The following LETM1 variants were observed in gnomAD, a reference collection of about 807,000 sequenced individuals.
LETM1 encodes the protein mitochondrial proton/calcium exchanger protein.
In LETM1, 50 loss-of-function variants were observed where a neutral mutation model predicts 74.5. That is an observed-to-expected ratio of 0.67 (90% CI 0.53 to 0.85). The LOEUF (loss-of-function observed/expected upper bound fraction) is 0.85. LETM1 is among the 40% of genes least tolerant of loss of function. LETM1 has a pLI of 0.00. For missense variants in LETM1, 824 were observed against 967.8 expected, an observed-to-expected ratio of 0.85 and a Z score of 1.97; for synonymous variants, 446 against 407.1, an observed-to-expected ratio of 1.10 and a Z score of -1.15.
intron 10 of LETM1, among the ~76,000 whole-genome samples, chr4:1,820,332 T>C (rs2108836980): frequency 6.6e-6 from 1 of 152,338 alleles, no homozygotes; most frequent in Non-Finnish European, 1.5e-5. Context: ...GTAGTTCATT[T>C]TGGGGGGTGC....
intron 6 of LETM1, among the ~76,000 whole-genome samples, chr4:1,830,873 T>C (rs1712246030): frequency 1.3e-5 from 2 of 152,172 alleles, no homozygotes; most frequent in South Asian, 4.1e-4. Context: ...TTCCAGTGTG[T>C]CGCAGCTGAC....
chr4:1,840,628 A>C (rs191505047), intron 3 of LETM1, among the ~76,000 whole-genome samples: 382 of 152,236 alleles, frequency 2.5e-3, no homozygotes, highest in African/African-American at 8.7e-3. Context: ...AGATCGCACC[A>C]CTGCACTCCA....
intron 3 of LETM1, among the ~76,000 whole-genome samples, chr4:1,840,194 G>A (rs1050337162): frequency 3.3e-5 from 5 of 152,132 alleles, no homozygotes. Context: ...CCTGGCCAAC[G>A]CGGTGAAACC....
At chr4:1,833,324 C>T (rs774396449) in intron 5 of LETM1, 2 of 274,254 alleles carry the variant, frequency 7.3e-6, no homozygotes, top group Non-Finnish European at 1.4e-5. Context: ...CCCAGCTTGG[C>T]CTCAAACCAC....
At chr4:1,820,098 G>A (rs1162875813) in intron 10 of LETM1, among the ~76,000 whole-genome samples, 1 of 152,068 alleles carries the variant, frequency 6.6e-6, no homozygotes, top group Non-Finnish European at 1.5e-5. Flanking sequence ...TGACATATCT[G>A]TCCAACTTTT....
chr4:1,851,877 A>G (rs1577329500), intron 1 of LETM1, among the ~76,000 whole-genome samples: 2 of 152,256 alleles, frequency 1.3e-5, no homozygotes. Flanking sequence ...TGCCTGTCCC[A>G]CTGGCTCCCT....
chr4:1,825,894 C>T (rs913437768), intron 6 of LETM1, among the ~76,000 whole-genome samples: 5 of 152,236 alleles, frequency 3.3e-5, no homozygotes, highest in East Asian at 3.9e-4. Flanking sequence ...CGGTCAACCC[C>T]GAGACAAAGA....
intron 10 of LETM1, among the ~76,000 whole-genome samples, chr4:1,820,295 C>T (rs1711733270): frequency 6.6e-6 from 1 of 152,168 alleles, no homozygotes; most frequent in Non-Finnish European, 1.5e-5. Flanking sequence ...ACAGCACTTG[C>T]ATATCTTTTT....
chr4:1,827,250 G>A (rs1712023658), intron 6 of LETM1, among the ~76,000 whole-genome samples: 2 of 145,634 alleles, frequency 1.4e-5, no homozygotes, highest in Non-Finnish European at 1.5e-5. Flanking sequence ...ATTTTTGCTG[G>A]TTATAGATCC....
At chr4:1,854,469 G>A (rs1325226325) in intron 1 of LETM1, among the ~76,000 whole-genome samples, 1 of 134,482 alleles carries the variant, frequency 7.4e-6, no homozygotes, top group Non-Finnish European at 1.6e-5. Context: ...GACAGAGCGA[G>A]ACTCCATTTC....
At chr4:1,814,700 G>A (rs928765970) in intron 13 of LETM1, 127 bp from the exon 14 acceptor site, 16 of 739,836 alleles carry the variant, frequency 2.2e-5, no homozygotes, top group Middle Eastern at 2.3e-4. Flanking sequence ...CACTGCCTGC[G>A]GGCCCCAGGG....
chr4:1,840,583 T>TGTGGA (rs1262489741), intron 3 of LETM1, among the ~76,000 whole-genome samples: 1 of 149,674 alleles, frequency 6.7e-6, no homozygotes, highest in East Asian at 2.0e-4. Flanking sequence ...AGGAGAATGG[T>TGTGGA]GTGGACCCCG....
At chr4:1,826,776 C>T (rs1464558201) in intron 6 of LETM1, among the ~76,000 whole-genome samples, 1 of 152,262 alleles carries the variant, frequency 6.6e-6, no homozygotes, top group African/African-American at 2.4e-5. Flanking sequence ...TTCTCCCTGT[C>T]CTCCTGGGGG....
At position 1,822,264 on chromosome 4, in the gene LETM1, TC is replaced by T; in HGVS notation, c.1524del (p.Thr509ProfsTer17). On this transcript the variant is annotated frameshift_variant, in exon 10 of 14. Transcript: ENST00000302787. LOFTEE classifies it high-confidence loss of function. ...TCAGGCATTTCTGGCTGTGGCTCGG[TC>T]CCCGGCCTTTGGGGAGCAGCTACCA... ...ERVVAAPQRP[G>X]TEPQPEMPDT... is the part of the protein sequence containing the mutation. 1.3e-6 allele frequency: 2 copies of T among 1,541,546 alleles called. No homozygotes were observed. The highest frequency in any genetic ancestry group is 1.8e-6 in the Non-Finnish European group (2 of 1,136,638).
chr4:1,842,019 G>A lies in LETM1; in HGVS notation c.144-222C>T, dbSNP rs1164705929. On this transcript the variant is annotated intron_variant, in intron 2 of 13. Coordinates refer to ENST00000302787, the MANE Select transcript of LETM1 (RefSeq NM_012318.3). Reference sequence around the variant, plus strand: ...AGCCCCCTCAGCCCCACACCACGTCGGACAGGAGCATGGGCGGGCGATCCC... The same window carrying A: ...AGCCCCCTCAGCCCCACACCACGTCAGACAGGAGCATGGGCGGGCGATCCC... Among the ~76,000 whole-genome samples the A allele has an allele frequency of 3.9e-5, 6 of 152,258 alleles. No homozygotes were observed. In the South Asian group the frequency reaches 8.3e-4, roughly 21 times the overall value.
Position 1,841,414 on chromosome 4 carries a change from T to C in LETM1, c.527A>G (p.Lys176Arg). The C allele has an allele frequency of 1.2e-6, 2 of 1,614,218 alleles. No homozygotes were observed. The highest frequency in any genetic ancestry group is 1.7e-6 in the Non-Finnish European group (2 of 1,180,050). ...GCGCCAGAGCATGCGTGCCGCGATC[T>C]TGGTGTCGATCCATAGCAGGCGGAA... The part of the protein sequence containing the change: ...HGFRLLWIDT[K>R]IAARMLWRIL... Residue 176 changes from lysine to arginine, a missense_variant, in exon 3 of 14, where the codon AAG (lysine) becomes AGG (arginine). Around this residue, in one of 4 missense-constraint regions of LETM1, gnomAD observed 269 missense variants for 348.8 expected, o/e 0.77. Coordinates refer to ENST00000302787, the MANE Select transcript of LETM1 (RefSeq NM_012318.3).
chr4:1,820,124 C>T (rs919191432), intron 10 of LETM1, among the ~76,000 whole-genome samples: 6 of 152,140 alleles, frequency 3.9e-5, no homozygotes, highest in African/African-American at 9.7e-5. Context: ...TTTGTAAAGA[C>T]GGCGTCTCAC....
rs1712387173 is a variant in LETM1 at position 1,834,299 on chromosome 4, C to G, written c.876+546G>C. 1.3e-6 allele frequency: 1 copy of G among 749,366 alleles called. No homozygotes were observed. The highest frequency in any genetic ancestry group is 1.6e-6 in the Non-Finnish European group (1 of 613,670). The allele number at this position is 749,366 out of a possible 1,614,324, so 46.4% of individuals were successfully genotyped here. A position where few individuals can be genotyped will look rare whatever the true frequency, so the allele number is the denominator to read the frequency against. On this transcript the variant is annotated intron_variant, in intron 5 of 13. Coordinates refer to ENST00000302787, the MANE Select transcript of LETM1 (RefSeq NM_012318.3). The surrounding 1 kb of genome is among the most constrained non-coding windows in gnomAD (Gnocchi z 5.0). ...AAGTCCCTCAAGCCAACAACACCGGCCTCGTGAACCCCATCTAGTCCTCAG... is the reference window on the plus strand; with the variant it reads ...AAGTCCCTCAAGCCAACAACACCGGGCTCGTGAACCCCATCTAGTCCTCAG...
rs200072915 is a variant in LETM1 at position 1,822,269 on chromosome 4, G to A, written c.1520C>T (p.Pro507Leu). Residue 507 changes from proline to leucine, a missense_variant, in exon 10 of 14, where the codon CCG becomes CTG. Transcript: ENST00000302787. The part of the protein sequence containing the change: ...PERVVAAPQR[P>L]GTEPQPEMPD... Reference sequence around the variant, plus strand: ...CATTTCTGGCTGTGGCTCGGTCCCCGGCCTTTGGGGAGCAGCTACCACACG... The same window carrying A: ...CATTTCTGGCTGTGGCTCGGTCCCCAGCCTTTGGGGAGCAGCTACCACACG... The A allele has an allele frequency of 5.2e-6, 8 of 1,539,376 alleles. No individual in the cohort carries two copies. The highest frequency in any genetic ancestry group is 2.4e-5 in the South Asian group (2 of 81,996).
Sources: allele counts gnomAD v4.1 joint callset (sites outside exome capture counted in the v4.1 genomes callset), GRCh38; gene constraint gnomAD v4.1.1; regional missense constraint gnomAD v4.1.1; non-coding constraint Gnocchi (gnomAD v3.1); transcripts MANE v1.5; gene names NCBI Gene and HGNC (gene_info 2026-07-23, HGNC 2026-07-21).